Variants in CPLANE1 observed in about 807,000 individuals in gnomAD.
CPLANE1 encodes ciliogenesis and planar polarity effector complex subunit 1.
CPLANE1 carries 263 observed loss-of-function variants against 362.5 expected under a neutral mutation model. The ratio of observed to expected loss-of-function variants is 0.73; its 90% CI spans 0.66 to 0.80. CPLANE1 has a LOEUF of 0.80. CPLANE1 is among the 30% of genes least tolerant of loss of function. The pLI is 0.00. For synonymous variants in CPLANE1, 1,212 were observed against 1,302.6 expected (o/e 0.93, Z 1.50); for missense variants, 3,461 against 3,793.4 (o/e 0.91, Z 2.30).
rs1314490904 is a variant in CPLANE1, at chr5:37,206,395, T to A, written c.2951A>T (p.His984Leu). 6.4e-7 allele frequency: 1 copy of A among 1,551,454 alleles called. No individual in the cohort carries two copies. Among genetic ancestry groups the A allele is most frequent in the Non-Finnish European group, 8.7e-7 (1 of 1,146,860 alleles). ...EQSFRLIPLQHSKVASVVRDQ... is the reference protein window; with the variant it reads ...EQSFRLIPLQLSKVASVVRDQ... ...TCTAACAACACTGGCCACCTTAGAG[T>A]GTTGCAGAGGAATAAGTCGAAAGGA... The change falls in exon 17 of 53, where the codon CAC (histidine) becomes CTC (leucine). Residue 984 changes from histidine to leucine, a missense_variant. By Grantham distance (99) the His-to-Leu change is moderately conservative (BLOSUM62 -3). Around this residue, in one of 2 missense-constraint regions of CPLANE1, gnomAD observed 3,380 missense variants for 3,666.1 expected, o/e 0.92. Transcript: ENST00000651892.
chr5:37,132,304 A>T, intron 46 of CPLANE1, among the ~76,000 whole-genome samples: 1 of 144,648 alleles, frequency 6.9e-6, no homozygotes, highest in African/African-American at 2.6e-5. Context: ...CCACTTTTTA[A>T]TCTAGTTGTT....
At position 37,201,225 on chromosome 5, in the gene CPLANE1, T is replaced by G. The variant is rs751632571; in HGVS notation, c.3507+366A>C. On this transcript the variant is annotated intron_variant, in intron 19 of 52. Coordinates refer to ENST00000651892, the MANE Select transcript of CPLANE1 (RefSeq NM_001384732.1). ...TTATTTCATTTGTTAGCCTAAAAAATGCCTAATTTTTAAAAGTCTGGATAT... is the reference window on the plus strand; with the variant it reads ...TTATTTCATTTGTTAGCCTAAAAAAGGCCTAATTTTTAAAAGTCTGGATAT... Among the ~76,000 whole-genome samples the G allele has an allele frequency of 2.6e-5, 4 of 152,174 alleles. No homozygotes were observed. The South Asian group carries it at 8.3e-4, about 31-fold the overall frequency.
chr5:37,159,347 A>G (rs1440994671), intron 38 of CPLANE1, among the ~76,000 whole-genome samples: 61 of 137,892 alleles, frequency 4.4e-4, no homozygotes, highest in East Asian at 3.2e-3. Context: ...TCCTGACCTC[A>G]TGATTCACCC....
chr5:37,229,093 G>A (rs10440646), intron 9 of CPLANE1, among the ~76,000 whole-genome samples: 7,974 of 151,230 alleles, frequency 0.053, 660 homozygotes, highest in African/African-American at 0.18. Context: ...GGTGGCGCGC[G>A]CCTGCAATTC....
intron 49 of CPLANE1, 141 bp downstream of exon 49, chr5:37,121,476 T>C (rs1340887873): frequency 1.1e-5 from 8 of 738,458 alleles, no homozygotes; most frequent in African/African-American, 1.1e-4. Flanking sequence ...CTCATGATTA[T>C]GAGGCTACTT....
At chr5:37,210,853 A>G in intron 16 of CPLANE1, 2 of 840,138 alleles carry the variant, frequency 2.4e-6, no homozygotes, top group South Asian at 1.3e-5. Context: ...GTGGTTGAGC[A>G]TGAGGAGTTC....
chr5:37,221,993 C>G (rs551363213), intron 14 of CPLANE1, among the ~76,000 whole-genome samples: 1 of 152,034 alleles, frequency 6.6e-6, no homozygotes, highest in South Asian at 2.1e-4. Context: ...CTCCAAGGAA[C>G]CATATGTATA....
intron 32 of CPLANE1, 28 bp downstream of exon 32, chr5:37,173,727 T>C: frequency 1.3e-6 from 2 of 1,568,200 alleles, no homozygotes; most frequent in Non-Finnish European, 1.7e-6. Context: ...ATGTGTAGAT[T>C]TACTTACTTA....
intron 29 of CPLANE1, among the ~76,000 whole-genome samples, chr5:37,178,625 A>C (rs930535464): frequency 6.6e-6 from 1 of 152,050 alleles, no homozygotes; most frequent in Non-Finnish European, 1.5e-5. Flanking sequence ...AAAAAAAAAA[A>C]CAAAAACACA....
At chr5:37,157,149 A>G (rs1227590969) in intron 41 of CPLANE1, among the ~76,000 whole-genome samples, 164 bp downstream of exon 41, 1 of 152,230 alleles carries the variant, frequency 6.6e-6, no homozygotes, top group Non-Finnish European at 1.5e-5. Context: ...CATGGTTCCC[A>G]GCTTTGGAAT....
chr5:37,173,580 C>T lies in CPLANE1; in HGVS notation c.6171+175G>A, dbSNP rs185436274. On this transcript the variant is annotated intron_variant, in intron 32 of 52. Coordinates refer to ENST00000651892, the MANE Select transcript of CPLANE1 (RefSeq NM_001384732.1). The stretch of plus-strand genomic sequence containing the variant: ...TTGACCTCCCAAAGTGCTGGGATTA[C>T]AAACGTGAGCCACTGCGCCCAACCA... Among the ~76,000 whole-genome samples, 131 of 152,250 alleles carry T rather than the reference C, an allele frequency of 8.6e-4. 1 individual carries two copies. The East Asian group carries it at 0.023, about 27-fold the overall frequency.
At chr5:37,120,775 C>A (rs193078792) in intron 49 of CPLANE1, among the ~76,000 whole-genome samples, 48 of 152,174 alleles carry the variant, frequency 3.2e-4, no homozygotes, top group African/African-American at 1.1e-3. Context: ...ATATATTGGG[C>A]AGTTATATAT....
At chr5:37,158,024 A>G in intron 39 of CPLANE1, 156 bp from the exon 40 acceptor site, 1 of 764,210 alleles carries the variant, frequency 1.3e-6, no homozygotes, top group Non-Finnish European at 2.0e-6. Flanking sequence ...ACTTAGGAAA[A>G]GGAGCAGGAA....
chr5:37,129,006 A>G (rs1765026299), intron 46 of CPLANE1, among the ~76,000 whole-genome samples: 1 of 152,222 alleles, frequency 6.6e-6, no homozygotes, highest in African/African-American at 2.4e-5. Flanking sequence ...ACTTCAAACT[A>G]TACTATAAGG....
At position 37,212,417 on chromosome 5, in the gene CPLANE1, T is replaced by A; in HGVS notation, c.2920+1142A>T. 2.6e-5 allele frequency: 20 copies of A among 762,724 alleles called. No individual in the cohort carries two copies. In the South Asian group the frequency reaches 2.7e-4, roughly 10 times the overall value. 47.2% of individuals were successfully genotyped at this position (762,724 alleles called of 1,614,324 possible). On this transcript the variant is annotated intron_variant, in intron 16 of 52. Coordinates refer to ENST00000651892, the MANE Select transcript of CPLANE1 (RefSeq NM_001384732.1). ...TGCCCAGCTTCTAACTTACATACCA[T>A]GAGAAATTACATAACATTTACTCCT...
rs1579725910 is a variant in CPLANE1, at chr5:37,106,982, C to T, written c.*620G>A. On this transcript the variant is annotated 3_prime_UTR_variant, in exon 53 of 53. Coordinates refer to ENST00000651892, the MANE Select transcript of CPLANE1 (RefSeq NM_001384732.1). ...GGCCGGAGTCATATTCCCTTACTTT[C>T]CTGCCCAAAGCATCCATTCCTGTTT... The T allele has an allele frequency of 1.0e-6, 1 of 985,418 alleles. No individual in the cohort carries two copies. The highest frequency in any genetic ancestry group is 1.2e-6 in the Non-Finnish European group (1 of 829,940). 61.0% of individuals were successfully genotyped at this position (985,418 alleles called of 1,614,324 possible).
intron 44 of CPLANE1, chr5:37,140,827 T>C: frequency 1.0e-5 from 10 of 984,988 alleles, no homozygotes; most frequent in Non-Finnish European, 1.2e-5. Context: ...GTAAACGTTC[T>C]TAAAACATTA....
chr5:37,085,502 T>C, the CPLANE1 span: 1 of 805,486 alleles, frequency 1.2e-6, no homozygotes, highest in Admixed American at 1.7e-5. Flanking sequence ...TCCGCTACCT[T>C]GATCCCCTCA....
chr5:37,120,189 A>C, intron 50 of CPLANE1, 27 bp downstream of exon 50: 2 of 1,586,542 alleles, frequency 1.3e-6, no homozygotes, highest in Non-Finnish European at 1.7e-6. Flanking sequence ...CAAATCAGAC[A>C]ATTTATAAAA....
Sources: allele counts gnomAD v4.1 joint callset (sites outside exome capture counted in the v4.1 genomes callset), GRCh38; gene constraint gnomAD v4.1.1; regional missense constraint gnomAD v4.1.1; transcripts MANE v1.5; gene names NCBI Gene and HGNC (gene_info 2026-07-23, HGNC 2026-07-21).